The following OTOGL variants were observed in gnomAD, a reference collection of about 807,000 sequenced individuals.
The protein encoded by OTOGL is otogelin-like protein.
In OTOGL, 285 loss-of-function variants were observed where a neutral mutation model predicts 318.5. The ratio of observed to expected loss-of-function variants is 0.89; its 90% CI spans 0.81 to 0.99. The LOEUF (loss-of-function observed/expected upper bound fraction) is 0.99. Among genes scored for constraint, OTOGL ranks in the 50% least tolerant of loss-of-function variants. OTOGL has a pLI of 0.00. For synonymous variants in OTOGL, 987 were observed against 936.5 expected (o/e 1.05, Z -0.99); for missense variants, 2,899 against 2,845.6 (o/e 1.02, Z -0.43).
intron 34 of OTOGL, among the ~76,000 whole-genome samples, chr12:80,321,556 C>T (rs1252218439): frequency 1.3e-5 from 2 of 151,422 alleles, no homozygotes; most frequent in Admixed American, 1.3e-4. Flanking sequence ...GCACATGTAC[C>T]CTAAAACTGA....
intron 28 of OTOGL, among the ~76,000 whole-genome samples, chr12:80,303,444 T>G (rs1424008001): frequency 6.6e-6 from 1 of 152,204 alleles, no homozygotes; most frequent in Non-Finnish European, 1.5e-5. Context: ...CGTGAGCCAT[T>G]GTGCCCAGCC....
chr12:80,182,701 A>G (rs894673073), intron 1 of OTOGL, among the ~76,000 whole-genome samples: 1 of 152,222 alleles, frequency 6.6e-6, no homozygotes, highest in Admixed American at 6.5e-5. Flanking sequence ...TGGAATCAAT[A>G]GCTGAGAGAA....
intron 37 of OTOGL, 38 bp downstream of exon 37, chr12:80,329,157 G>C: frequency 7.2e-7 from 1 of 1,390,594 alleles, no homozygotes; most frequent in Non-Finnish European, 9.6e-7. Flanking sequence ...GTAGCACTAT[G>C]TAGTTTAAGT....
chr12:80,250,909 T>C (rs1025439025), intron 11 of OTOGL, among the ~76,000 whole-genome samples: 10 of 152,224 alleles, frequency 6.6e-5, no homozygotes, highest in Non-Finnish European at 1.3e-4. Flanking sequence ...AGAGCTCTAA[T>C]AGGAAATTAT....
chr12:80,257,183 G>A (rs150825891), intron 17 of OTOGL, among the ~76,000 whole-genome samples: 1 of 152,166 alleles, frequency 6.6e-6, no homozygotes, highest in East Asian at 1.9e-4. Flanking sequence ...GTCAGGCTAG[G>A]GAAGTTGAAC....
intron 27 of OTOGL, among the ~76,000 whole-genome samples, chr12:80,298,089 TG>T (rs1885529826): frequency 6.6e-6 from 1 of 152,264 alleles, no homozygotes; most frequent in Non-Finnish European, 1.5e-5. Flanking sequence ...TAATGTTTAC[TG>T]AATATCAAAA....
intron 28 of OTOGL, among the ~76,000 whole-genome samples, chr12:80,304,898 G>A (rs2137749080): frequency 6.6e-6 from 1 of 152,268 alleles, no homozygotes; most frequent in African/African-American, 2.4e-5. Context: ...GGAGAAGTAG[G>A]CTGCCTATGT....
intron 43 of OTOGL, among the ~76,000 whole-genome samples, chr12:80,339,964 C>A (rs1234807870): frequency 1.3e-5 from 2 of 152,116 alleles, no homozygotes; most frequent in Admixed American, 1.3e-4. Flanking sequence ...ATTCTCTTTA[C>A]AGTTGTGTGC....
At chr12:80,207,447 C>G (rs1157069529) in intron 1 of OTOGL, among the ~76,000 whole-genome samples, 2 of 151,970 alleles carry the variant, frequency 1.3e-5, no homozygotes, top group East Asian at 3.9e-4. Flanking sequence ...TCAGGTGATC[C>G]CCCTGGCTCG....
chr12:80,141,418 G>C (rs1871937060), intron 1 of OTOGL, among the ~76,000 whole-genome samples: 1 of 152,122 alleles, frequency 6.6e-6, no homozygotes, highest in South Asian at 2.1e-4. Context: ...ATGGAATATA[G>C]AAAAGCAAGC....
At chr12:80,201,009 A>G (rs1214547096) in intron 1 of OTOGL, among the ~76,000 whole-genome samples, 1 of 152,186 alleles carries the variant, frequency 6.6e-6, no homozygotes, top group Non-Finnish European at 1.5e-5. Flanking sequence ...GCTCTGGTGG[A>G]AAAATACAGT....
intron 1 of OTOGL, among the ~76,000 whole-genome samples, chr12:80,163,753 G>C (rs1364232364): frequency 6.6e-6 from 1 of 152,074 alleles, no homozygotes; most frequent in African/African-American, 2.4e-5. Context: ...GGGCCCAGTT[G>C]GGTATGTTTT....
intron 1 of OTOGL, among the ~76,000 whole-genome samples, chr12:80,184,854 C>T (rs1300278740): frequency 6.6e-6 from 1 of 152,124 alleles, no homozygotes; most frequent in Non-Finnish European, 1.5e-5. Context: ...GCTTCTCCCT[C>T]CCATTTATTT....
chr12:80,129,769 A>G (rs543196112), intron 1 of OTOGL, among the ~76,000 whole-genome samples: 119 of 152,320 alleles, frequency 7.8e-4, no homozygotes, highest in African/African-American at 2.2e-3. Context: ...GACCTTTTAG[A>G]AAACAAATCT....
At chr12:80,344,110 G>T (rs1889012000) in intron 44 of OTOGL, among the ~76,000 whole-genome samples, 1 of 152,146 alleles carries the variant, frequency 6.6e-6, no homozygotes, top group Non-Finnish European at 1.5e-5. Context: ...GTTTTACATG[G>T]AGATTTGGAT....
At chr12:80,150,581 C>A (rs1402541000) in intron 1 of OTOGL, among the ~76,000 whole-genome samples, 1 of 149,760 alleles carries the variant, frequency 6.7e-6, no homozygotes, top group Non-Finnish European at 1.5e-5. Context: ...GGAAGACCTG[C>A]AGCCTTGTTA....
chr12:80,196,642 G>A (rs1429212538), intron 1 of OTOGL, among the ~76,000 whole-genome samples: 1 of 152,180 alleles, frequency 6.6e-6, no homozygotes, highest in Non-Finnish European at 1.5e-5. Flanking sequence ...TGCTGCAGGT[G>A]TCTGCTCTGG....
At chr12:80,293,396 C>A (rs942413025) in intron 26 of OTOGL, among the ~76,000 whole-genome samples, 14 of 152,106 alleles carry the variant, frequency 9.2e-5, no homozygotes, top group Non-Finnish European at 1.5e-4. Context: ...CTTTTTGTAA[C>A]CTTTTACAAT....
intron 1 of OTOGL, among the ~76,000 whole-genome samples, chr12:80,106,287 A>G (rs534184206): frequency 4.6e-5 from 7 of 152,294 alleles, no homozygotes; most frequent in African/African-American, 1.7e-4. Context: ...TGGCTTTCAC[A>G]CTACCAGAAA....
Sources: gnomAD v4.1 joint callset for allele counts (sites outside exome capture counted in the v4.1 genomes callset) on GRCh38, gnomAD v4.1.1 for gene constraint, MANE v1.5 for transcripts, NCBI Gene and HGNC (gene_info 2026-07-23, HGNC 2026-07-21) for gene names.